TPRG1: variants seen among roughly 807,000 people sequenced by gnomAD.
The protein encoded by TPRG1 is tumor protein p63 regulated 1, also known as tumor protein p63-regulated gene 1 protein.
In TPRG1, 29 loss-of-function variants were observed where a neutral mutation model predicts 29.3. The ratio of observed to expected loss-of-function variants is 0.99; its 90% CI spans 0.74 to 1.35. TPRG1 has a LOEUF of 1.35. TPRG1 is among the 40% of genes most tolerant of loss of function. The pLI is 0.00. For missense variants in TPRG1, 327 were observed against 335.0 expected, an observed-to-expected ratio of 0.98 and a Z score of 0.19; for synonymous variants, 130 against 116.8, an observed-to-expected ratio of 1.11 and a Z score of -0.73.
At chr3:189,183,087 A>G (rs1730448901) in intron 1 of TPRG1, among the ~76,000 whole-genome samples, 1 of 152,174 alleles carries the variant, frequency 6.6e-6, no homozygotes, top group Non-Finnish European at 1.5e-5. Context: ...CTGCCCCAGT[A>G]GTCACGTAGG....
intron 4 of TPRG1, chr3:189,240,426 T>C (rs749763562): frequency 1.3e-5 from 2 of 152,294 alleles, no homozygotes; most frequent in Middle Eastern, 3.4e-3. Flanking sequence ...TATTAGTCCA[T>C]TGTCACGTTG....
At chr3:189,314,113 TG>T (rs1369372884) in intron 5 of TPRG1, among the ~76,000 whole-genome samples, 2 of 152,136 alleles carry the variant, frequency 1.3e-5, no homozygotes, top group African/African-American at 4.8e-5. Context: ...GTTTCAGGAT[TG>T]GGTAGATGGT....
chr3:189,118,598 CAGCCTTGAAACATGG>C (rs1246102517), intron 1 of TPRG1, among the ~76,000 whole-genome samples: 3 of 152,298 alleles, frequency 2.0e-5, no homozygotes, highest in African/African-American at 7.2e-5. Context: ...GGGACCCCTG[CAGCCTTGAAACATGG>C]TGCTCTGCAT....
chr3:189,299,248 T>G (rs913507532), intron 4 of TPRG1, among the ~76,000 whole-genome samples: 14 of 152,170 alleles, frequency 9.2e-5, no homozygotes, highest in African/African-American at 3.4e-4. Flanking sequence ...TTTCCTTTAT[T>G]GTGTAGCATT....
rs764736357 is a variant in TPRG1 at position 189,207,561 on chromosome 3, G to A, written c.177G>A (p.Gln59=). The A allele has an allele frequency of 5.6e-6, 9 of 1,613,838 alleles. No homozygotes were observed. The highest frequency in any genetic ancestry group is 1.3e-5 in the African/African-American group (1 of 74,858). Residue 59 remains glutamine (Q), a synonymous_variant, in exon 2 of 6, where the codon CAG becomes CAA. Coordinates refer to ENST00000345063, the MANE Select transcript of TPRG1 (RefSeq NM_198485.4). The part of the protein sequence containing the change: ...ESTLYPNPYH[Q]PYISRKYFAT... ...CTCTTTACCCCAATCCTTATCATCA[G>A]CCTTATATCTCACGGAAGTACTTTG... is the stretch of plus-strand genomic sequence containing the variant.
chr3:189,153,402 T>C (rs1423648127), intron 5 of TPRG1, among the ~76,000 whole-genome samples: 2 of 152,212 alleles, frequency 1.3e-5, no homozygotes, highest in Non-Finnish European at 2.9e-5. Context: ...TAAGCAAGAA[T>C]GTAATCATAG....
chr3:189,100,670 G>A (rs942498399), intron 1 of TPRG1, among the ~76,000 whole-genome samples: 1 of 152,142 alleles, frequency 6.6e-6, no homozygotes, highest in Non-Finnish European at 1.5e-5. Context: ...TAGAAGTAGG[G>A]TGGTACAGAA....
At chr3:189,181,034 C>T (rs955798022) in intron 1 of TPRG1, among the ~76,000 whole-genome samples, 3 of 152,206 alleles carry the variant, frequency 2.0e-5, no homozygotes, top group Non-Finnish European at 4.4e-5. Context: ...GGCTTGCACC[C>T]TCTGAAGCCA....
intron 5 of TPRG1, among the ~76,000 whole-genome samples, chr3:189,153,568 C>T (rs1012981717): frequency 1.3e-5 from 2 of 151,994 alleles, no homozygotes; most frequent in African/African-American, 2.4e-5. Flanking sequence ...CCAAGTGTCT[C>T]GGGGTGAGCC....
upstream of TPRG1, among the ~76,000 whole-genome samples, chr3:189,096,099 AAC>A (rs1431126623): frequency 6.6e-6 from 1 of 152,194 alleles, no homozygotes; most frequent in Non-Finnish European, 1.5e-5. Context: ...TAATCTTGCA[AAC>A]AGTTATTAAA....
At chr3:189,018,363 G>T (rs1259053391) in intron 3 of TPRG1, among the ~76,000 whole-genome samples, 4 of 149,930 alleles carry the variant, frequency 2.7e-5, no homozygotes, top group African/African-American at 9.8e-5. Context: ...TATGGTTTTA[G>T]GTCTAACGTT....
At chr3:189,118,090 T>G (rs936694783) in intron 1 of TPRG1, among the ~76,000 whole-genome samples, 9 of 152,084 alleles carry the variant, frequency 5.9e-5, no homozygotes, top group African/African-American at 1.9e-4. Context: ...ATGGGAAAGT[T>G]TGGAACTTCC....
chr3:189,137,911 A>G (rs1311419048), intron 3 of TPRG1, among the ~76,000 whole-genome samples: 2 of 152,094 alleles, frequency 1.3e-5, no homozygotes, highest in Admixed American at 6.6e-5. Flanking sequence ...GTGCCTCTCT[A>G]TTTTTAAGCT....
intron 5 of TPRG1, among the ~76,000 whole-genome samples, chr3:189,157,827 T>C (rs989142134): frequency 1.3e-5 from 2 of 152,132 alleles, no homozygotes; most frequent in Non-Finnish European, 2.9e-5. Context: ...ACAGGAGTTA[T>C]TATGACTCCC....
chr3:189,153,593 C>T (rs1726250479), intron 5 of TPRG1, among the ~76,000 whole-genome samples: 1 of 151,994 alleles, frequency 6.6e-6, no homozygotes, highest in African/African-American at 2.4e-5. Context: ...CCCATCAGCC[C>T]CAGGTAATTC....
At chr3:189,317,472 C>T (rs976347734) in intron 5 of TPRG1, among the ~76,000 whole-genome samples, 5 of 152,220 alleles carry the variant, frequency 3.3e-5, no homozygotes, top group Non-Finnish European at 4.4e-5. Flanking sequence ...CCTCCATTCA[C>T]AGCGTGTATA....
intron 4 of TPRG1, among the ~76,000 whole-genome samples, chr3:189,072,570 C>T (rs1219670951): frequency 6.6e-6 from 1 of 151,920 alleles, no homozygotes; most frequent in Non-Finnish European, 1.5e-5. Context: ...GTCTGTGTGC[C>T]CTTCATTGGT....
rs111348376 is a variant in TPRG1 at position 189,031,439 on chromosome 3, T to C, written c.-463+7493T>C. Among the ~76,000 whole-genome samples the C allele has an allele frequency of 4.1e-3, 630 of 152,382 alleles. 6 individuals carry two copies. The highest frequency in any genetic ancestry group is 0.015 in the African/African-American group (618 of 41,598). ...TGTTTCATATATTTATACATTTATA[T>C]GAAGCCTATTTTACTTAGATATTAA... On this transcript the variant is annotated intron_variant, in intron 4 of 10. Transcript: ENST00000433971.
At chr3:189,036,907 TA>T (rs1022661218) in intron 4 of TPRG1, among the ~76,000 whole-genome samples, 3 of 150,506 alleles carry the variant, frequency 2.0e-5, no homozygotes, top group Admixed American at 2.0e-4. Context: ...GAAGAAGAAA[TA>T]AAAAATTTGA....
Sources: allele counts gnomAD v4.1 joint callset (sites outside exome capture counted in the v4.1 genomes callset), GRCh38; gene constraint gnomAD v4.1.1; transcripts MANE v1.5; gene names NCBI Gene and HGNC (gene_info 2026-07-23, HGNC 2026-07-21).